LOC128125822: variants seen among roughly 807,000 people sequenced by gnomAD.
the LOC128125822 span, chr6:63,573,306 G>C: frequency 6.6e-6 from 1 of 152,608 alleles, no homozygotes; most frequent in Non-Finnish European, 1.5e-5. Context: ...CGGGCGTGGG[G>C]TAGGCCGGAC....
the LOC128125822 span, chr6:63,582,539 A>C: frequency 6.6e-6 from 1 of 152,614 alleles, no homozygotes; most frequent in South Asian, 2.1e-4. Flanking sequence ...CCTTATATCT[A>C]ATAAGAGTTC....
At chr6:63,578,323 A>T in the LOC128125822 span, 1 of 1,231,726 alleles carries the variant, frequency 8.1e-7, no homozygotes, top group Non-Finnish European at 1.1e-6. Context: ...GCATTCTTTA[A>T]ATGATCTTCT....
chr6:63,580,407 T>C, the LOC128125822 span: 3 of 453,440 alleles, frequency 6.6e-6, no homozygotes, highest in African/African-American at 5.9e-5. Context: ...AAAATGTGCT[T>C]GTCATTTGTA....
the LOC128125822 span, chr6:63,580,093 G>A: frequency 1.2e-6 from 2 of 1,608,308 alleles, no homozygotes; most frequent in Non-Finnish European, 1.7e-6. Context: ...AGCAACTTCT[G>A]TATTTGGAGA....
chr6:63,578,511 A>T, the LOC128125822 span: 4 of 1,611,976 alleles, frequency 2.5e-6, no homozygotes, highest in African/African-American at 5.3e-5. Context: ...TTGTGGAGAA[A>T]GAAGGTATCC....
chr6:63,576,360 A>G, the LOC128125822 span: 1 of 397,702 alleles, frequency 2.5e-6, no homozygotes. Context: ...GTACTTAAAT[A>G]GTGTAAAACC....
the LOC128125822 span, chr6:63,580,165 C>A: frequency 6.2e-7 from 1 of 1,609,336 alleles, no homozygotes; most frequent in Non-Finnish European, 8.5e-7. Context: ...ACAACTGTTG[C>A]ATTCAATAAA....
chr6:63,579,420 C>G, the LOC128125822 span: 50 of 901,796 alleles, frequency 5.5e-5, no homozygotes, highest in East Asian at 1.4e-3. Context: ...CCCATTTAAT[C>G]ATTATGATTA....
the LOC128125822 span, chr6:63,576,879 A>C: frequency 6.2e-7 from 1 of 1,610,088 alleles, no homozygotes; most frequent in Non-Finnish European, 8.5e-7. Flanking sequence ...AACTAAATTA[A>C]CATGGCTCGA....
the LOC128125822 span, chr6:63,578,398 G>T: frequency 6.3e-7 from 1 of 1,587,138 alleles, no homozygotes; most frequent in Admixed American, 1.9e-5. Flanking sequence ...TAGTGATGTG[G>T]TTAAACATTA....
chr6:63,578,530 G>A, the LOC128125822 span: 2 of 1,610,492 alleles, frequency 1.2e-6, no homozygotes, highest in Non-Finnish European at 1.7e-6. Flanking sequence ...CCATGTTCTT[G>A]TAAGTATTTA....
chr6:63,581,449 TATC>T, the LOC128125822 span: 1 of 152,728 alleles, frequency 6.5e-6, no homozygotes, highest in Admixed American at 6.5e-5. Context: ...GACATGCATT[TATC>T]ATCATTGAGA....
chr6:63,578,778 G>T, the LOC128125822 span: 2 of 1,167,590 alleles, frequency 1.7e-6, no homozygotes, highest in Non-Finnish European at 2.3e-6. Context: ...GGTTTAATAA[G>T]ATTTGATTAA....
the LOC128125822 span, chr6:63,581,960 G>A: frequency 1.3e-4 from 20 of 152,062 alleles, no homozygotes; most frequent in African/African-American, 4.6e-4. Flanking sequence ...TTTTTGAATA[G>A]CAGTTATAAA....
At chr6:63,578,306 G>A in the LOC128125822 span, 13 of 1,143,032 alleles carry the variant, frequency 1.1e-5, no homozygotes, top group Non-Finnish European at 1.5e-5. Context: ...AACATAAATG[G>A]ATTCTAGCAT....
the LOC128125822 span, chr6:63,580,222 A>G: frequency 5.0e-6 from 7 of 1,387,998 alleles, no homozygotes; most frequent in Non-Finnish European, 7.2e-6. Flanking sequence ...GATAGGGCCT[A>G]ATTTGTTATA....
chr6:63,574,320 T>C, the LOC128125822 span, among the ~76,000 whole-genome samples: 4 of 152,154 alleles, frequency 2.6e-5, 1 homozygote, highest in South Asian at 8.3e-4. Context: ...TTTCCTCCTC[T>C]CCCTTCTTGT....
At chr6:63,582,332 T>TGA in the LOC128125822 span, 1 of 152,650 alleles carries the variant, frequency 6.6e-6, no homozygotes, top group East Asian at 1.9e-4. Flanking sequence ...TCATGATTAA[T>TGA]GAAAACTATC....
At chr6:63,580,048 TCCTCC>T in the LOC128125822 span, 1 of 1,575,788 alleles carries the variant, frequency 6.3e-7, no homozygotes, top group African/African-American at 1.4e-5. Context: ...TTTTTTTTTT[TCCTCC>T]CAGAAAGCGG....
Sources: allele counts gnomAD v4.1 joint callset (sites outside exome capture counted in the v4.1 genomes callset), GRCh38; gene constraint gnomAD v4.1.1; transcripts MANE v1.5.